AUTS2: variants seen among roughly 807,000 people sequenced by gnomAD.
AUTS2 encodes the protein autism susceptibility gene 2 protein.
In AUTS2, 17 loss-of-function variants were observed where a neutral mutation model predicts 112.4. The ratio of observed to expected loss-of-function variants is 0.15; its 90% CI spans 0.10 to 0.23. The LOEUF (loss-of-function observed/expected upper bound fraction) is 0.23, where lower values mean the gene tolerates loss of function less well. AUTS2 is among the 10% of genes least tolerant of loss of function. The probability of loss-of-function intolerance (pLI) is 1.00; values close to 1 mark genes in which losing one functional copy is unlikely to be tolerated. For synonymous variants in AUTS2, 751 were observed against 702.7 expected, an observed-to-expected ratio of 1.07 and a Z score of -1.09; for missense variants, 1,510 against 1,701.6, an observed-to-expected ratio of 0.89 and a Z score of 1.98.
At chr7:70,303,089 T>G (rs575500965) in intron 4 of AUTS2, among the ~76,000 whole-genome samples, 3 of 152,240 alleles carry the variant, frequency 2.0e-5, no homozygotes, top group African/African-American at 7.2e-5. Flanking sequence ...ATAAAATACT[T>G]CTTCCTACCT....
chr7:70,129,941 A>G (rs1260876139), intron 3 of AUTS2, among the ~76,000 whole-genome samples: 1 of 151,248 alleles, frequency 6.6e-6, no homozygotes, highest in African/African-American at 2.4e-5. Flanking sequence ...TTGGTCGGCT[A>G]TTAGTAATCT....
At chr7:69,850,192 G>A (rs779208172) in intron 1 of AUTS2, among the ~76,000 whole-genome samples, 4 of 151,402 alleles carry the variant, frequency 2.6e-5, no homozygotes, top group East Asian at 1.9e-4. Flanking sequence ...CCAGCTACTC[G>A]GGAGGCTGAG....
At chr7:70,031,918 C>T (rs1800799501) in intron 2 of AUTS2, among the ~76,000 whole-genome samples, 1 of 152,074 alleles carries the variant, frequency 6.6e-6, no homozygotes, top group Non-Finnish European at 1.5e-5. Context: ...ACCACTGCTT[C>T]TTTTCTTCTG....
At position 70,676,265 on chromosome 7, in the gene AUTS2, C is replaced by A. The variant is rs537077609; in HGVS notation, c.691-22304C>A. Among the ~76,000 whole-genome samples the A allele has an allele frequency of 7.3e-5, 11 of 150,082 alleles. No individual in the cohort carries two copies. The South Asian group carries it at 2.1e-3, about 29-fold the overall frequency. ...AGACCAGCCTGGGCAACATGGAAAA[C>A]CCCATGTCTACCAAAAATTAGCCTG... On this transcript the variant is annotated intron_variant, in intron 5 of 18. Coordinates refer to ENST00000342771, the MANE Select transcript of AUTS2 (RefSeq NM_015570.4).
intron 5 of AUTS2, among the ~76,000 whole-genome samples, chr7:70,525,576 G>A (rs1418029162): frequency 6.6e-6 from 1 of 152,180 alleles, no homozygotes; most frequent in Non-Finnish European, 1.5e-5. Flanking sequence ...AGGAGTGAGG[G>A]GAAGTACCCA....
chr7:70,763,662 G>A (rs971467148), intron 7 of AUTS2, among the ~76,000 whole-genome samples: 2 of 152,110 alleles, frequency 1.3e-5, no homozygotes, highest in East Asian at 1.9e-4. Flanking sequence ...GCAGGGAGTC[G>A]AAGCCTGGGG....
intron 1 of AUTS2, among the ~76,000 whole-genome samples, chr7:69,671,486 GGTGTGT>G (rs201047003): frequency 0.023 from 3,247 of 138,596 alleles, 36 homozygotes; most frequent in Non-Finnish European, 0.03. Context: ...TGCTGCTGCT[GGTGTGT>G]GTGTGTGTGT....
intron 4 of AUTS2, among the ~76,000 whole-genome samples, chr7:70,276,717 C>CT (rs1465894394): frequency 6.6e-6 from 1 of 152,050 alleles, no homozygotes; most frequent in East Asian, 1.9e-4. Context: ...ATAAGTATTC[C>CT]TTTACTAAGG....
intron 4 of AUTS2, among the ~76,000 whole-genome samples, chr7:70,420,412 G>A (rs938248590): frequency 1.3e-5 from 2 of 152,204 alleles, no homozygotes; most frequent in Admixed American, 6.5e-5. Context: ...GTGTTACAGA[G>A]CAGCAGAGGC....
chr7:69,708,178 A>G (rs557713029), intron 1 of AUTS2, among the ~76,000 whole-genome samples: 4 of 152,318 alleles, frequency 2.6e-5, no homozygotes, highest in Admixed American at 2.6e-4. Flanking sequence ...TAGCTTACCA[A>G]GCCCAGTGTG....
intron 5 of AUTS2, among the ~76,000 whole-genome samples, chr7:70,510,175 T>C (rs1799124579): frequency 6.6e-6 from 1 of 152,214 alleles, no homozygotes; most frequent in South Asian, 2.1e-4. Flanking sequence ...CATTCCAGAA[T>C]AGGGTGTGGG....
chr7:70,060,034 G>A (rs1410387133), intron 2 of AUTS2, among the ~76,000 whole-genome samples: 1 of 152,180 alleles, frequency 6.6e-6, no homozygotes, highest in Non-Finnish European at 1.5e-5. Context: ...TAATGAGAAA[G>A]AAAAGCATTT....
intron 1 of AUTS2, among the ~76,000 whole-genome samples, chr7:69,769,722 C>T (rs1230457046): frequency 6.6e-6 from 1 of 152,118 alleles, no homozygotes; most frequent in African/African-American, 2.4e-5. Flanking sequence ...TCCTGTTTCC[C>T]AACCCACGGA....
intron 3 of AUTS2, among the ~76,000 whole-genome samples, chr7:70,124,689 A>T (rs1805868170): frequency 6.6e-6 from 1 of 151,868 alleles, no homozygotes; most frequent in Admixed American, 6.6e-5. Context: ...CAGTCCCCCG[A>T]GTAGCTGGGA....
At chr7:69,839,318 A>C (rs1216509506) in intron 1 of AUTS2, among the ~76,000 whole-genome samples, 2 of 152,074 alleles carry the variant, frequency 1.3e-5, no homozygotes, top group African/African-American at 4.8e-5. Context: ...CTCACTCACT[A>C]GTCTGTGATC....
chr7:69,970,292 A>G (rs976696823), intron 2 of AUTS2, among the ~76,000 whole-genome samples: 4 of 152,094 alleles, frequency 2.6e-5, no homozygotes, highest in Non-Finnish European at 4.4e-5. Flanking sequence ...TCTATGTCCT[A>G]TAAGTGATGA....
intron 5 of AUTS2, among the ~76,000 whole-genome samples, chr7:70,480,267 T>A (rs1797739454): frequency 6.6e-6 from 1 of 152,248 alleles, no homozygotes; most frequent in African/African-American, 2.4e-5. Flanking sequence ...TGAGCCGGAT[T>A]AGCACACTGA....
chr7:70,004,386 T>TCATAAATA (rs1563031862), intron 2 of AUTS2, among the ~76,000 whole-genome samples: 3 of 117,102 alleles, frequency 2.6e-5, no homozygotes, highest in Non-Finnish European at 4.9e-5. Flanking sequence ...ATATATATAT[T>TCATAAATA]ATATATATGA....
intron 6 of AUTS2, among the ~76,000 whole-genome samples, chr7:70,759,611 T>C (rs922658677): frequency 3.3e-5 from 5 of 152,300 alleles, no homozygotes; most frequent in Admixed American, 2.0e-4. Context: ...TTGGCACCAC[T>C]CCTCATGTTC....
Sources: gnomAD v4.1 joint callset for allele counts (sites outside exome capture counted in the v4.1 genomes callset) on GRCh38, gnomAD v4.1.1 for gene constraint, MANE v1.5 for transcripts, NCBI Gene and HGNC (gene_info 2026-07-23, HGNC 2026-07-21) for gene names.